PIGB: variants seen among roughly 807,000 people sequenced by gnomAD.
The protein encoded by PIGB is phosphatidylinositol glycan anchor biosynthesis class B.
PIGB carries 58 observed loss-of-function variants against 68.4 expected under a neutral mutation model. The observed-to-expected ratio is 0.85, with a 90% confidence interval of 0.69 to 1.06. The LOEUF is 1.06. Among genes scored for constraint, PIGB ranks in the 50% least tolerant of loss-of-function variants. The probability of loss-of-function intolerance (pLI) is 0.00; values close to 1 mark genes in which losing one functional copy is unlikely to be tolerated. For missense variants in PIGB, 634 were observed against 655.8 expected, an observed-to-expected ratio of 0.97 and a Z score of 0.36; for synonymous variants, 219 against 220.5, an observed-to-expected ratio of 0.99 and a Z score of 0.06.
chr15:55,321,965 G>A (rs1474513688), intron 3 of PIGB, among the ~76,000 whole-genome samples: 1 of 148,876 alleles, frequency 6.7e-6, no homozygotes, highest in Non-Finnish European at 1.5e-5. Context: ...ACCTGAGGTT[G>A]GGAGTTCGAG....
chr15:55,336,684 C>T (rs2055543513), intron 6 of PIGB, among the ~76,000 whole-genome samples: 2 of 152,204 alleles, frequency 1.3e-5, no homozygotes, highest in Admixed American at 6.5e-5. Context: ...AATTCTTACC[C>T]AGTGATTTAA....
At position 55,327,527 on chromosome 15, in the gene PIGB, G is replaced by A. The variant is rs374989533; in HGVS notation, c.418-4G>A. 5.4e-4 allele frequency: 862 copies of A among 1,583,374 alleles called. 4 individuals are homozygous for A. The Middle Eastern group carries it at 7.5e-3, about 14-fold the overall frequency. ...CATCCTGTTCTTCTTTTTAACTGAT[G>A]AAGATTTGGATTCCTAGACTTGCCC... On this transcript the variant is annotated splice_region_variant and splice_polypyrimidine_tract_variant and intron_variant, in intron 3 of 11. Transcript: ENST00000164305.
intron 9 of PIGB, 89 bp from the exon 10 acceptor site, chr15:55,350,610 C>CTATT: frequency 1.2e-6 from 1 of 801,468 alleles, no homozygotes; most frequent in Non-Finnish European, 2.1e-6. Flanking sequence ...ACAGTTTTTG[C>CTATT]TATTTCCATT....
intron 6 of PIGB, among the ~76,000 whole-genome samples, chr15:55,334,524 A>C (rs1402677772): frequency 6.6e-6 from 1 of 152,178 alleles, no homozygotes. Context: ...TTGTATCCCA[A>C]GTATCTAGTA....
chr15:55,347,191 T>C (rs2055813698), intron 9 of PIGB, among the ~76,000 whole-genome samples: 1 of 152,246 alleles, frequency 6.6e-6, no homozygotes, highest in South Asian at 2.1e-4. Flanking sequence ...CCCAGCACTT[T>C]GGGAGGCTGT....
Position 55,350,696 on chromosome 15 carries a change from T to C in PIGB, c.1124-3T>C. The C allele has an allele frequency of 1.3e-6, 2 of 1,590,840 alleles. No homozygotes were observed. The highest frequency in any genetic ancestry group is 1.7e-6 in the Non-Finnish European group (2 of 1,159,780). On this transcript the variant is annotated splice_polypyrimidine_tract_variant and splice_region_variant and intron_variant, in intron 9 of 11. Coordinates refer to ENST00000164305, the MANE Select transcript of PIGB (RefSeq NM_004855.5). ...AAGGTTCAATATGTCTATCTTCATA[T>C]AGGATACTCATTAACCCACCTGAAA...
At chr15:55,338,719 G>A (rs968496594) in intron 6 of PIGB, among the ~76,000 whole-genome samples, 5 of 152,080 alleles carry the variant, frequency 3.3e-5, no homozygotes, top group African/African-American at 1.2e-4. Context: ...ACTCACTCTT[G>A]GCTGACTTAC....
chr15:55,350,957 G>T, intron 10 of PIGB, 45 bp downstream of exon 10: 1 of 974,884 alleles, frequency 1.0e-6, no homozygotes, highest in South Asian at 1.5e-5. Flanking sequence ...AACTGAAACT[G>T]ACTACTTTAA....
intron 5 of PIGB, among the ~76,000 whole-genome samples, chr15:55,332,282 AT>A (rs2055434378): frequency 6.7e-6 from 1 of 149,822 alleles, no homozygotes; most frequent in South Asian, 2.1e-4. Context: ...CCCATTTCTC[AT>A]TTTTATAGTT....
intron 5 of PIGB, among the ~76,000 whole-genome samples, chr15:55,333,131 G>GT (rs1434883228): frequency 2.0e-5 from 3 of 151,822 alleles, no homozygotes; most frequent in Non-Finnish European, 4.4e-5. Flanking sequence ...AAGTTATGAG[G>GT]TAAAAAGCAT....
intron 9 of PIGB, chr15:55,343,500 A>T (rs1326816904): frequency 3.9e-5 from 6 of 152,184 alleles, no homozygotes; most frequent in African/African-American, 1.4e-4. Context: ...TGTTTTCATA[A>T]ACCAGATTTT....
At chr15:55,331,088 C>T (rs1227822417) in intron 5 of PIGB, among the ~76,000 whole-genome samples, 1 of 152,164 alleles carries the variant, frequency 6.6e-6, no homozygotes, top group Non-Finnish European at 1.5e-5. Flanking sequence ...ATGAATCCTG[C>T]CTTAGTCTTC....
At chr15:55,330,867 T>C (rs1039794516) in intron 5 of PIGB, among the ~76,000 whole-genome samples, 1 of 152,198 alleles carries the variant, frequency 6.6e-6, no homozygotes, top group Non-Finnish European at 1.5e-5. Flanking sequence ...CTCTCTTAAC[T>C]ACAAGAAAAA....
intron 3 of PIGB, among the ~76,000 whole-genome samples, chr15:55,326,785 C>T (rs1271291602): frequency 1.3e-5 from 2 of 152,082 alleles, no homozygotes; most frequent in Non-Finnish European, 2.9e-5. Context: ...TGCAGTGAGC[C>T]GCGGTTGCGC....
At chr15:55,327,225 T>C (rs977874393) in intron 3 of PIGB, among the ~76,000 whole-genome samples, 30 of 146,496 alleles carry the variant, frequency 2.0e-4, no homozygotes, top group African/African-American at 7.4e-4. Context: ...TATAAATATA[T>C]ATATTTATAT....
intron 10 of PIGB, 70 bp from the exon 11 acceptor site, chr15:55,354,728 A>G (rs957671812): frequency 5.8e-6 from 7 of 1,199,124 alleles, no homozygotes; most frequent in African/African-American, 4.6e-5. Context: ...AGTATAAATG[A>G]CATATCTTAA....
At chr15:55,326,760 C>A (rs574213331) in intron 3 of PIGB, among the ~76,000 whole-genome samples, 1 of 152,202 alleles carries the variant, frequency 6.6e-6, no homozygotes, top group South Asian at 2.1e-4. Context: ...TGGCGTGAAC[C>A]CGGGAGGCGG....
At chr15:55,341,030 A>G (rs1461869361) in intron 8 of PIGB, among the ~76,000 whole-genome samples, 1 of 151,208 alleles carries the variant, frequency 6.6e-6, no homozygotes, top group African/African-American at 2.4e-5. Context: ...ATTACACTCA[A>G]TTTTTAAGAA....
At position 55,329,822 on chromosome 15, in the gene PIGB, C is replaced by G; in HGVS notation, c.621C>G (p.Tyr207Ter). 6.2e-7 allele frequency: 1 copy of G among 1,600,256 alleles called. No homozygotes were observed. The highest frequency in any genetic ancestry group is 1.1e-5 in the South Asian group (1 of 90,742). Residue 207 changes from tyrosine (Y) to a stop codon, truncating the protein, a stop_gained, in exon 5 of 12, where the codon TAC becomes TAG. Transcript: ENST00000164305. LOFTEE classifies it high-confidence loss of function. ...ETVLTIIALF[Y>*]YPLEGSKSMN... ...TTCTCACTATAATTGCTCTTTTCTA[C>G]TATCCTTTGGAAGGTTCAAAGTCTA...
Sources: gnomAD v4.1 joint callset for allele counts (sites outside exome capture counted in the v4.1 genomes callset) on GRCh38, gnomAD v4.1.1 for gene constraint, MANE v1.5 for transcripts, NCBI Gene and HGNC (gene_info 2026-07-23, HGNC 2026-07-21) for gene names.